RBFOX1: variants seen among roughly 807,000 people sequenced by gnomAD.
RBFOX1 encodes RNA binding fox-1 homolog 1, also known as RNA binding protein fox-1 homolog 1.
In RBFOX1, 8 loss-of-function variants were observed where a neutral mutation model predicts 57.7. That is an observed-to-expected ratio of 0.14 (90% confidence interval 0.08 to 0.25). The LOEUF is 0.25. Ranked by LOEUF, RBFOX1 falls within the 10% of genes least tolerant of loss-of-function variation. The pLI is 1.00. For missense variants in RBFOX1, 611 were observed against 548.5 expected (o/e 1.11, Z -1.14); for synonymous variants, 326 against 222.4 (o/e 1.47, Z -4.15).
chr16:5,907,721 TATC>T (rs34447124), intron 4 of RBFOX1, among the ~76,000 whole-genome samples: 58,294 of 145,988 alleles, frequency 0.4, 11,880 homozygotes, highest in Non-Finnish European at 0.43. Context: ...GGAGACTATT[TATC>T]ATCATCATCA....
intron 3 of RBFOX1, among the ~76,000 whole-genome samples, chr16:5,852,524 G>C (rs747378): frequency 1.8e-3 from 267 of 152,300 alleles, no homozygotes; most frequent in African/African-American, 6.2e-3. Context: ...GGCTGGCTCC[G>C]GATGGAGGTC....
At chr16:5,824,231 G>T (rs1198707114) in intron 3 of RBFOX1, among the ~76,000 whole-genome samples, 1 of 152,274 alleles carries the variant, frequency 6.6e-6, no homozygotes, top group East Asian at 1.9e-4. Flanking sequence ...CAGAGTCTGC[G>T]CCAGGTCCCT....
At chr16:6,711,843 C>G (rs1200281564) in intron 3 of RBFOX1, among the ~76,000 whole-genome samples, 1 of 152,146 alleles carries the variant, frequency 6.6e-6, no homozygotes, top group Non-Finnish European at 1.5e-5. Flanking sequence ...CCCCAGGTAC[C>G]CCTAGGTCTT....
rs534455539 is a variant in RBFOX1, at chr16:5,993,940, C to G, written c.351+126605C>G. Among the ~76,000 whole-genome samples, 8 of 152,170 alleles carry G rather than the reference C, an allele frequency of 5.3e-5. No homozygotes were observed. The East Asian group carries it at 7.7e-4, about 15-fold the overall frequency. ...GGAGATTCAGCACTTGATTTGGATG[C>G]CTTATTGGAAGCACTTTGCTGCTGG... On this transcript the variant is annotated intron_variant, in intron 4 of 19. Transcript: ENST00000641259.
At chr16:7,152,947 C>G (rs1171111035) in intron 4 of RBFOX1, among the ~76,000 whole-genome samples, 2 of 152,144 alleles carry the variant, frequency 1.3e-5, no homozygotes, top group Non-Finnish European at 2.9e-5. Flanking sequence ...AGGAGGGAAC[C>G]AAGGAGTGGC....
At chr16:6,680,646 T>C (rs1322312766) in intron 3 of RBFOX1, among the ~76,000 whole-genome samples, 1 of 152,180 alleles carries the variant, frequency 6.6e-6, no homozygotes, top group African/African-American at 2.4e-5. Context: ...AATTTTATAC[T>C]CTTATTTTAG....
intron 3 of RBFOX1, among the ~76,000 whole-genome samples, chr16:5,805,330 A>G (rs2055191186): frequency 6.6e-6 from 1 of 152,230 alleles, no homozygotes; most frequent in African/African-American, 2.4e-5. Context: ...TGTGTCACAA[A>G]TATAAATTAG....
chr16:6,818,277 A>G (rs796135112), intron 3 of RBFOX1, among the ~76,000 whole-genome samples: 6 of 152,070 alleles, frequency 3.9e-5, no homozygotes, highest in African/African-American at 1.4e-4. Flanking sequence ...GTGTAGCTGG[A>G]TTCACCTGTG....
At chr16:7,651,905 G>C (rs2065142837) in intron 11 of RBFOX1, among the ~76,000 whole-genome samples, 2 of 152,222 alleles carry the variant, frequency 1.3e-5, no homozygotes, top group Admixed American at 6.5e-5. Flanking sequence ...GATGGGACAA[G>C]CGTAGTGAGT....
In RBFOX1 at chr16:6,921,257, A is replaced by T. The variant is rs138146144; in HGVS notation, c.-15-130800A>T. On this transcript the variant is annotated intron_variant, in intron 3 of 15. Transcript: ENST00000550418. Reference sequence around the variant, plus strand: ...TAAAACAGCACACATTTGTTTTCTCACAATGTCTATGGGTTAAAATTTTGA... The same window carrying T: ...TAAAACAGCACACATTTGTTTTCTCTCAATGTCTATGGGTTAAAATTTTGA... Among the ~76,000 whole-genome samples, 424 of 152,318 alleles carry T rather than the reference A, an allele frequency of 2.8e-3. 3 individuals carry two copies. Among genetic ancestry groups the T allele is most frequent in the Admixed American group, 7.2e-3 (110 of 15,294 alleles).
chr16:7,216,181 G>C (rs76483554), intron 4 of RBFOX1, among the ~76,000 whole-genome samples: 5,734 of 152,226 alleles, frequency 0.038, 127 homozygotes, highest in South Asian at 0.084. Context: ...CTCTTTACTA[G>C]TTGGTAGATA....
chr16:7,306,906 AT>A (rs1195778203), intron 4 of RBFOX1, among the ~76,000 whole-genome samples: 35 of 152,108 alleles, frequency 2.3e-4, no homozygotes, highest in South Asian at 2.1e-4. Context: ...CCACTACTAT[AT>A]TTTTTATCTG....
chr16:7,161,053 C>A (rs11644264), intron 4 of RBFOX1, among the ~76,000 whole-genome samples: 3 of 151,876 alleles, frequency 2.0e-5, no homozygotes, highest in South Asian at 2.1e-4. Context: ...TCAGGTTGTT[C>A]CCAGCTACCC....
chr16:7,450,058 C>G (rs1364306897), intron 4 of RBFOX1, among the ~76,000 whole-genome samples: 1 of 151,980 alleles, frequency 6.6e-6, no homozygotes, highest in African/African-American at 2.4e-5. Context: ...CAGAGCCTGT[C>G]ATCATAGAAA....
At chr16:6,052,089 A>G (rs1018987191) in intron 1 of RBFOX1, among the ~76,000 whole-genome samples, 2 of 152,088 alleles carry the variant, frequency 1.3e-5, no homozygotes, top group Non-Finnish European at 2.9e-5. Context: ...AATAAAACCA[A>G]AACTGGTCCT....
rs542763988 is a variant in RBFOX1 at position 6,996,395 on chromosome 16, G to A, written c.-15-55662G>A. Among the ~76,000 whole-genome samples the A allele has an allele frequency of 2.0e-5, 3 of 152,186 alleles. No homozygotes were observed. The East Asian group carries it at 5.8e-4, about 29-fold the overall frequency. ...TGTGTGTGCATATAAACATGTATGT[G>A]TGTGCATGTATAGGTATCTGGATAC... On this transcript the variant is annotated intron_variant, in intron 3 of 15. Coordinates refer to ENST00000550418, the MANE Select transcript of RBFOX1 (RefSeq NM_018723.4).
rs150817507 is a variant in RBFOX1, at chr16:5,842,233, C to T, written c.319-25070C>T. ...GCTGTTCTCAGCACCGAGAGAATGG[C>T]GATGATTTTCCTAGTGAGATGCAGG... On this transcript the variant is annotated intron_variant, in intron 3 of 19. Transcript: ENST00000641259. 4.1e-3 allele frequency among the ~76,000 whole-genome samples: 625 copies of T among 152,160 alleles called. 6 individuals carry two copies. Among genetic ancestry groups the T allele is most frequent in the Non-Finnish European group, 6.9e-3 (469 of 68,000 alleles).
chr16:7,195,328 G>T (rs1234331028), intron 4 of RBFOX1, among the ~76,000 whole-genome samples: 1 of 152,164 alleles, frequency 6.6e-6, no homozygotes, highest in African/African-American at 2.4e-5. Flanking sequence ...CTTGGTTGCA[G>T]TGTCTTTTCT....
At chr16:7,551,413 C>T (rs1302494017) in intron 5 of RBFOX1, among the ~76,000 whole-genome samples, 1 of 152,108 alleles carries the variant, frequency 6.6e-6, no homozygotes, top group Admixed American at 6.5e-5. Context: ...AGCCATAGGA[C>T]AAGGGGTGGG....
Sources: allele counts gnomAD v4.1 joint callset (sites outside exome capture counted in the v4.1 genomes callset), GRCh38; gene constraint gnomAD v4.1.1; transcripts MANE v1.5; gene names NCBI Gene and HGNC (gene_info 2026-07-23, HGNC 2026-07-21).